Variants in SRSF11 observed in about 807,000 individuals in gnomAD.
The protein encoded by SRSF11 is serine and arginine rich splicing factor 11, also known as serine/arginine-rich splicing factor 11.
Under a neutral mutation model 56.0 loss-of-function variants are expected in SRSF11, and 9 were observed. That is an observed-to-expected ratio of 0.16 (90% confidence interval 0.10 to 0.28). The LOEUF (loss-of-function observed/expected upper bound fraction) is 0.28. Ranked by LOEUF, SRSF11 falls within the 10% of genes least tolerant of loss-of-function variation. The probability of loss-of-function intolerance (pLI) is 1.00; values close to 1 mark genes in which losing one functional copy is unlikely to be tolerated. For missense variants in SRSF11, 421 were observed against 600.7 expected (o/e 0.70, Z 3.13); for synonymous variants, 222 against 215.3 (o/e 1.03, Z -0.27).
intron 2 of SRSF11, chr1:70,230,524 T>G: frequency 2.4e-6 from 3 of 1,253,830 alleles, no homozygotes; most frequent in Non-Finnish European, 3.1e-6. Flanking sequence ...TTTTGTCTGT[T>G]TCTTTTTCTT....
At chr1:70,209,788 G>T (rs1669391341) in intron 1 of SRSF11, among the ~76,000 whole-genome samples, 2 of 59,960 alleles carry the variant, frequency 3.3e-5, no homozygotes, top group African/African-American at 1.3e-4. Flanking sequence ...TTGTAGAGAT[G>T]AAGTTTTGCC....
At chr1:70,228,590 C>T (rs773084311) in intron 2 of SRSF11, 35 bp downstream of exon 2, 1 of 1,596,288 alleles carries the variant, frequency 6.3e-7, no homozygotes, top group Admixed American at 1.7e-5. Context: ...TGTGGGCATC[C>T]TAAGATGACC....
chr1:70,209,248 A>G lies in SRSF11; in HGVS notation c.-26+3468A>G, dbSNP rs560833949. ...ATAGATGAAAGGTACAATTGATGAG[A>G]TGGATTATTGAAGTCTGAAATTGTA... is the stretch of plus-strand genomic sequence containing the variant. On this transcript the variant is annotated intron_variant, in intron 1 of 12. Coordinates refer to the SRSF11 transcript ENST00000370950. 6.6e-5 allele frequency among the ~76,000 whole-genome samples: 10 copies of G among 152,338 alleles called. No homozygotes were observed. In the East Asian group the frequency reaches 1.9e-3, roughly 29 times the overall value.
At chr1:70,231,813 A>G (rs1672898027) in intron 2 of SRSF11, 1 of 1,391,586 alleles carries the variant, frequency 7.2e-7, no homozygotes, top group Non-Finnish European at 9.5e-7. Flanking sequence ...CCCTAAATCA[A>G]ACTTTTTTTG....
Position 70,252,746 on chromosome 1 carries a change from CAT to C in SRSF11, c.*1944_*1945del, listed in dbSNP as rs1678121754. ...TTTTGTAAGTCAAAAACAAATTTCA[CAT>C]ATGGTAAACCTAATATTCACAGTGT... On this transcript the variant is annotated 3_prime_UTR_variant, in exon 12 of 12. Transcript: ENST00000370949. 6.6e-6 allele frequency: 1 copy of C among 152,182 alleles called. No homozygotes were observed. The highest frequency in any genetic ancestry group is 2.1e-4 in the South Asian group (1 of 4,836). The allele number at this position is 152,182 out of a possible 1,614,324, so 9.4% of individuals were successfully genotyped here.
intron 8 of SRSF11, among the ~76,000 whole-genome samples, chr1:70,245,946 A>G (rs1057239808): frequency 1.3e-5 from 2 of 152,190 alleles, no homozygotes; most frequent in Non-Finnish European, 2.9e-5. Flanking sequence ...GGACTGTTCT[A>G]GTAATCTAGG....
At chr1:70,243,813 C>T (rs1676105629) in intron 7 of SRSF11, among the ~76,000 whole-genome samples, 1 of 152,070 alleles carries the variant, frequency 6.6e-6, no homozygotes, top group Non-Finnish European at 1.5e-5. Flanking sequence ...CTCTGGGAGG[C>T]CAAGGTGGGC....
upstream of SRSF11, among the ~76,000 whole-genome samples, chr1:70,220,480 A>C (rs1670431074): frequency 6.6e-6 from 1 of 152,260 alleles, no homozygotes; most frequent in Non-Finnish European, 1.5e-5. Context: ...TTTTCTTGAG[A>C]AATTGCAGTA....
At chr1:70,240,702 A>G (rs1409798539) in intron 7 of SRSF11, among the ~76,000 whole-genome samples, 4 of 151,172 alleles carry the variant, frequency 2.6e-5, no homozygotes, top group Non-Finnish European at 4.4e-5. Context: ...CAGAACTAGG[A>G]TATTCCAGTT....
intron 1 of SRSF11, among the ~76,000 whole-genome samples, chr1:70,222,414 C>G (rs1472682511): frequency 6.6e-6 from 1 of 152,044 alleles, no homozygotes; most frequent in Non-Finnish European, 1.5e-5. Context: ...AGAGATTTTC[C>G]TTTGTTTGAA....
intron 1 of SRSF11, among the ~76,000 whole-genome samples, chr1:70,209,760 TTTTTTTTTTTTTTTTTTTTG>T: frequency 1.7e-5 from 2 of 120,642 alleles, no homozygotes; most frequent in Admixed American, 8.2e-5. Context: ...TTTTTTTTTT[TTTTTTTTTTTTTTTTTTTTG>T]TAGAGATGAA....
chr1:70,250,643 G>T lies in SRSF11; in HGVS notation c.1293G>T (p.Gly431=). The change falls in exon 12 of 12, where the codon GGG becomes GGT. Residue 431 remains glycine (G), a synonymous_variant. Coordinates refer to ENST00000370949, the MANE Select transcript of SRSF11 (RefSeq NM_001350605.2). ...VTRDYDEEEQ[G]YDSEKEKKEE... is the part of the protein sequence containing the mutation. ...GGGATTATGATGAAGAGGAACAGGG[G>T]TATGACAGTGAGAAAGAGAAAAAAG... The T allele has an allele frequency of 1.9e-6, 3 of 1,613,944 alleles. No individual in the cohort carries two copies. The highest frequency in any genetic ancestry group is 1.7e-6 in the Non-Finnish European group (2 of 1,179,936).
At chr1:70,229,175 C>T in intron 2 of SRSF11, 1 of 1,281,938 alleles carries the variant, frequency 7.8e-7, no homozygotes, top group Non-Finnish European at 1.0e-6. Flanking sequence ...ATAATAAATT[C>T]TTCTCTCTGT....
At chr1:70,243,574 T>C (rs562402843) in intron 7 of SRSF11, among the ~76,000 whole-genome samples, 1 of 152,224 alleles carries the variant, frequency 6.6e-6, no homozygotes, top group African/African-American at 2.4e-5. Context: ...TTACCTGGCT[T>C]ATAAATGAGA....
intron 4 of SRSF11, 89 bp downstream of exon 4, chr1:70,234,877 A>G (rs1428808837): frequency 1.9e-6 from 2 of 1,061,740 alleles, no homozygotes; most frequent in Admixed American, 4.8e-5. Flanking sequence ...AGCAGAAGCT[A>G]ATGGCTATGT....
At chr1:70,233,705 G>C (rs781090703) in intron 3 of SRSF11, among the ~76,000 whole-genome samples, 1 of 152,176 alleles carries the variant, frequency 6.6e-6, no homozygotes, top group African/African-American at 2.4e-5. Context: ...TTGAAACAAG[G>C]AGAACTTGTA....
At chr1:70,228,910 T>A (rs981073450) in intron 2 of SRSF11, 3 of 984,644 alleles carry the variant, frequency 3.0e-6, no homozygotes, top group African/African-American at 3.5e-5. Context: ...TTACAGAGCC[T>A]TCAAATAAAT....
At chr1:70,217,148 G>T (rs1464831737), upstream of SRSF11, among the ~76,000 whole-genome samples, 2 of 151,622 alleles carry the variant, frequency 1.3e-5, no homozygotes, top group Admixed American at 6.6e-5. Flanking sequence ...TGTTTTTTTT[G>T]TTGTTGTTTT....
chr1:70,224,164 C>G (rs1671251836), intron 1 of SRSF11, among the ~76,000 whole-genome samples: 1 of 152,122 alleles, frequency 6.6e-6, no homozygotes, highest in Non-Finnish European at 1.5e-5. Context: ...CCTCTTCCCC[C>G]TCCCTGCATC....
Sources: gnomAD v4.1 joint callset for allele counts (sites outside exome capture counted in the v4.1 genomes callset) on GRCh38, gnomAD v4.1.1 for gene constraint, MANE v1.5 for transcripts, NCBI Gene and HGNC (gene_info 2026-07-23, HGNC 2026-07-21) for gene names.